TBXAS1: variants seen among roughly 807,000 people sequenced by gnomAD.
TBXAS1 encodes thromboxane A synthase 1.
TBXAS1 carries 48 observed loss-of-function variants against 60.7 expected under a neutral mutation model. The observed-to-expected ratio is 0.79, with a 90% confidence interval of 0.63 to 1.01. The LOEUF (loss-of-function observed/expected upper bound fraction) is 1.01, where lower values mean the gene tolerates loss of function less well. Among genes scored for constraint, TBXAS1 ranks in the 50% least tolerant of loss-of-function variants. The pLI, the probability that TBXAS1 is intolerant of heterozygous loss-of-function variation, is 0.00. For missense variants in TBXAS1, 685 were observed against 686.3 expected (o/e 1.00, Z 0.02); for synonymous variants, 287 against 269.7 (o/e 1.06, Z -0.63).
At chr7:139,792,394 C>T (rs143861032) in intron 4 of TBXAS1, among the ~76,000 whole-genome samples, 3 of 152,276 alleles carry the variant, frequency 2.0e-5, no homozygotes, top group South Asian at 2.1e-4. Flanking sequence ...CACCCATGGT[C>T]GGCTTGGTGG....
At chr7:139,890,968 T>C (rs1803558785) in intron 3 of TBXAS1, among the ~76,000 whole-genome samples, 1 of 152,106 alleles carries the variant, frequency 6.6e-6, no homozygotes, top group Admixed American at 6.5e-5. Flanking sequence ...TTTATGCCAA[T>C]AGTACTGCCG....
intron 1 of TBXAS1, among the ~76,000 whole-genome samples, chr7:139,847,416 C>T (rs569079235): frequency 1.6e-4 from 24 of 152,276 alleles, no homozygotes; most frequent in Non-Finnish European, 2.9e-4. Flanking sequence ...TGCTCACTCT[C>T]ATCCAAGCCC....
intron 4 of TBXAS1, among the ~76,000 whole-genome samples, chr7:139,817,093 T>A (rs754752098): frequency 6.6e-6 from 1 of 152,142 alleles, no homozygotes; most frequent in African/African-American, 2.4e-5. Flanking sequence ...TTAAGAAATA[T>A]CTGAATCCTC....
At chr7:139,991,667 A>AC (rs1345397965) in intron 9 of TBXAS1, among the ~76,000 whole-genome samples, 1 of 152,224 alleles carries the variant, frequency 6.6e-6, no homozygotes, top group Non-Finnish European at 1.5e-5. Context: ...AAACACATAA[A>AC]CAGAGAATCG....
chr7:139,915,950 T>C (rs1805934060), intron 4 of TBXAS1, among the ~76,000 whole-genome samples: 3 of 152,188 alleles, frequency 2.0e-5, no homozygotes, highest in Non-Finnish European at 4.4e-5. Flanking sequence ...TCTCTATCAA[T>C]GTCCTCAGTG....
intron 4 of TBXAS1, among the ~76,000 whole-genome samples, chr7:139,809,226 AGATAGAT>A (rs1470329765): frequency 6.2e-5 from 7 of 112,224 alleles, no homozygotes; most frequent in Non-Finnish European, 1.1e-4. Context: ...ATAGATAGAT[AGATAGAT>A]GATAGATAGA....
Position 140,004,723 on chromosome 7 carries a change from C to T in TBXAS1, c.1135-2368C>T, listed in dbSNP as rs1813926289. Among the ~76,000 whole-genome samples the T allele has an allele frequency of 6.6e-6, 1 of 152,216 alleles. No homozygotes were observed. The highest frequency in any genetic ancestry group is 6.5e-5 in the Admixed American group (1 of 15,286). ...GCAGGATCTAGGGAAATTGGTCCAGCTGTCTCCCCTTTCCACAGCCTTCCC... is the reference window on the plus strand; with the variant it reads ...GCAGGATCTAGGGAAATTGGTCCAGTTGTCTCCCCTTTCCACAGCCTTCCC... On this transcript the variant is annotated intron_variant, in intron 9 of 12. Transcript: ENST00000448866. This position sits in a 1 kb window ranked among gnomAD's most constrained non-coding sequence, Gnocchi z 5.1.
intron 1 of TBXAS1, among the ~76,000 whole-genome samples, chr7:139,858,317 G>C (rs1313845719): frequency 6.6e-6 from 1 of 152,174 alleles, no homozygotes; most frequent in Non-Finnish European, 1.5e-5. Flanking sequence ...CCTTCTTGGA[G>C]GGTCCTGCTT....
chr7:140,016,359 T>A (rs1815072706), intron 11 of TBXAS1: 1 of 226,946 alleles, frequency 4.4e-6, no homozygotes, highest in Non-Finnish European at 8.7e-6. Flanking sequence ...TAAAAATAAA[T>A]AAATAAATAA....
intron 4 of TBXAS1, among the ~76,000 whole-genome samples, chr7:139,934,951 T>A (rs1477418399): frequency 2.0e-5 from 3 of 152,184 alleles, no homozygotes; most frequent in Non-Finnish European, 4.4e-5. Flanking sequence ...GTAGCTGGGA[T>A]TACAGGCACC....
At chr7:139,881,674 C>T (rs1802711364) in intron 3 of TBXAS1, among the ~76,000 whole-genome samples, 1 of 152,002 alleles carries the variant, frequency 6.6e-6, no homozygotes, top group East Asian at 1.9e-4. Flanking sequence ...CTAAGAACAT[C>T]TTTGTAAGTA....
intron 1 of TBXAS1, among the ~76,000 whole-genome samples, chr7:139,840,386 G>A (rs1275396124): frequency 1.3e-5 from 2 of 152,148 alleles, no homozygotes; most frequent in African/African-American, 2.4e-5. Context: ...TCCCAACTTC[G>A]GTTCCTAAAA....
intron 6 of TBXAS1, 93 bp from the exon 7 acceptor site, chr7:139,955,366 G>C: frequency 6.5e-7 from 1 of 1,540,930 alleles, no homozygotes; most frequent in Non-Finnish European, 8.9e-7. Context: ...GCAAGCCAGT[G>C]TAAGCAATTC....
chr7:139,919,210 G>A (rs1484406383), intron 4 of TBXAS1, among the ~76,000 whole-genome samples: 1 of 152,132 alleles, frequency 6.6e-6, no homozygotes, highest in Non-Finnish European at 1.5e-5. Flanking sequence ...GTCTCCAGGT[G>A]GGAAGGGGAC....
chr7:139,871,979 C>T (rs1379258584), intron 1 of TBXAS1, among the ~76,000 whole-genome samples: 1 of 152,164 alleles, frequency 6.6e-6, no homozygotes, highest in African/African-American at 2.4e-5. Flanking sequence ...TGGACTACAT[C>T]ATCTGTAAGG....
At chr7:139,888,196 G>C (rs1803264842) in intron 3 of TBXAS1, among the ~76,000 whole-genome samples, 1 of 152,176 alleles carries the variant, frequency 6.6e-6, no homozygotes, top group Non-Finnish European at 1.5e-5. Flanking sequence ...CTCACCCAGA[G>C]CTCCTTCTCC....
chr7:139,832,697 G>C (rs1203789036), intron 1 of TBXAS1, among the ~76,000 whole-genome samples: 1 of 152,206 alleles, frequency 6.6e-6, no homozygotes, highest in Non-Finnish European at 1.5e-5. Context: ...AGAATCTTAA[G>C]AGTTGTGAGA....
intron 5 of TBXAS1, among the ~76,000 whole-genome samples, chr7:139,947,884 A>C (rs1414277967): frequency 7.1e-6 from 1 of 141,696 alleles, no homozygotes; most frequent in Non-Finnish European, 1.5e-5. Context: ...TTTTTTTTTG[A>C]GATGGAGTCT....
chr7:139,878,234 G>A (rs1287744233), intron 3 of TBXAS1, among the ~76,000 whole-genome samples: 3 of 150,372 alleles, frequency 2.0e-5, no homozygotes, highest in Non-Finnish European at 2.9e-5. Context: ...ATAGAAGAGG[G>A]GGAGAGAGAG....
Sources: allele counts gnomAD v4.1 joint callset (sites outside exome capture counted in the v4.1 genomes callset), GRCh38; gene constraint gnomAD v4.1.1; non-coding constraint Gnocchi (gnomAD v3.1); transcripts MANE v1.5; gene names NCBI Gene and HGNC (gene_info 2026-07-23, HGNC 2026-07-21).